The following EPB41L2 variants were observed in gnomAD, a reference collection of about 807,000 sequenced individuals.
EPB41L2 encodes the protein band 4.1-like protein 2.
EPB41L2 carries 43 observed loss-of-function variants against 113.0 expected under a neutral mutation model. That is an observed-to-expected ratio of 0.38 (90% confidence interval 0.30 to 0.49). The LOEUF (loss-of-function observed/expected upper bound fraction) is 0.49, where lower values mean the gene tolerates loss of function less well. Ranked by LOEUF, EPB41L2 falls within the 20% of genes least tolerant of loss-of-function variation. The pLI, the probability that EPB41L2 is intolerant of heterozygous loss-of-function variation, is 0.95. For synonymous variants in EPB41L2, 442 were observed against 436.7 expected, an observed-to-expected ratio of 1.01 and a Z score of -0.15; for missense variants, 1,147 against 1,223.4, an observed-to-expected ratio of 0.94 and a Z score of 0.93.
intron 4 of EPB41L2, among the ~76,000 whole-genome samples, chr6:130,911,184 AC>A (rs1336543203): frequency 6.6e-6 from 1 of 152,268 alleles, no homozygotes; most frequent in African/African-American, 2.4e-5. Flanking sequence ...ACCACGAAAT[AC>A]TATGCAGCCA....
chr6:131,050,832 G>C (rs1051899452), intron 1 of EPB41L2, among the ~76,000 whole-genome samples: 1 of 152,174 alleles, frequency 6.6e-6, no homozygotes, highest in Non-Finnish European at 1.5e-5. Context: ...GAGCTTAAAT[G>C]ATCTGTCCGC....
chr6:130,889,774 G>A (rs1489705541), intron 11 of EPB41L2, among the ~76,000 whole-genome samples: 1 of 152,172 alleles, frequency 6.6e-6, no homozygotes, highest in Non-Finnish European at 1.5e-5. Context: ...AAACATATGT[G>A]TCCAACATCT....
intron 13 of EPB41L2, among the ~76,000 whole-genome samples, chr6:130,879,242 T>C (rs1249633890): frequency 1.3e-5 from 2 of 152,240 alleles, no homozygotes; most frequent in Admixed American, 6.5e-5. Context: ...TGAGCTTCTA[T>C]AGCCATTTGC....
At chr6:130,895,354 T>C (rs1794318907) in intron 8 of EPB41L2, among the ~76,000 whole-genome samples, 1 of 152,172 alleles carries the variant, frequency 6.6e-6, no homozygotes, top group South Asian at 2.1e-4. Context: ...AACATGACCA[T>C]AAGACACAGT....
chr6:130,922,023 C>T (rs925808498), intron 4 of EPB41L2, among the ~76,000 whole-genome samples: 2 of 152,208 alleles, frequency 1.3e-5, no homozygotes, highest in African/African-American at 4.8e-5. Flanking sequence ...AGGAAGGAAT[C>T]ATGGCATACC....
At chr6:131,024,792 C>G (rs773540751) in intron 1 of EPB41L2, among the ~76,000 whole-genome samples, 8 of 152,166 alleles carry the variant, frequency 5.3e-5, no homozygotes, top group Non-Finnish European at 1.0e-4. Flanking sequence ...GGAACTGATA[C>G]CTGAGAATAA....
At chr6:130,926,329 T>A (rs1301604190) in intron 4 of EPB41L2, among the ~76,000 whole-genome samples, 1 of 152,212 alleles carries the variant, frequency 6.6e-6, no homozygotes, top group Non-Finnish European at 1.5e-5. Context: ...TGCCAGAACA[T>A]CACTTTTCCA....
chr6:130,850,466 TA>T (rs1415652668), intron 19 of EPB41L2, among the ~76,000 whole-genome samples: 1 of 152,078 alleles, frequency 6.6e-6, no homozygotes, highest in African/African-American at 2.4e-5. Context: ...AATGATGAGG[TA>T]ACGACAAGGA....
chr6:131,000,857 A>G (rs1784205228), intron 1 of EPB41L2: 2 of 152,240 alleles, frequency 1.3e-5, no homozygotes, highest in Admixed American at 1.3e-4. Context: ...CCAAAGGTAA[A>G]CATAAATATC....
chr6:130,917,551 G>A (rs1489537390), intron 4 of EPB41L2, among the ~76,000 whole-genome samples: 1 of 151,966 alleles, frequency 6.6e-6, no homozygotes, highest in Admixed American at 6.5e-5. Flanking sequence ...CACCCCTGAT[G>A]TTTCCTCTTA....
At chr6:131,007,060 T>C (rs1785741533) in intron 1 of EPB41L2, among the ~76,000 whole-genome samples, 1 of 152,216 alleles carries the variant, frequency 6.6e-6, no homozygotes, top group African/African-American at 2.4e-5. Flanking sequence ...AGCAGCCAAA[T>C]GAAAATAGCC....
chr6:130,911,728 T>A (rs943265353), intron 4 of EPB41L2, among the ~76,000 whole-genome samples: 2 of 152,168 alleles, frequency 1.3e-5, no homozygotes, highest in Non-Finnish European at 2.9e-5. Context: ...AAAAGTCCAA[T>A]AAAAAATTTA....
chr6:130,988,845 T>C (rs1781162427), intron 1 of EPB41L2, among the ~76,000 whole-genome samples: 1 of 152,126 alleles, frequency 6.6e-6, no homozygotes, highest in Admixed American at 6.5e-5. Context: ...TCCCAGCACT[T>C]TGGGAGGCCG....
chr6:130,870,821 T>TA (rs554695255), intron 14 of EPB41L2, among the ~76,000 whole-genome samples: 10,598 of 140,826 alleles, frequency 0.075, 686 homozygotes, highest in East Asian at 0.26. Context: ...TGGTTTTCTT[T>TA]AAAAAAAAAA....
intron 7 of EPB41L2, 23 bp from the exon 8 acceptor site, chr6:130,899,601 T>G: frequency 6.3e-7 from 1 of 1,596,450 alleles, no homozygotes; most frequent in Non-Finnish European, 8.6e-7. Flanking sequence ...AGAAACAGTA[T>G]TATCTTATTA....
At chr6:131,018,189 C>T (rs1235230779) in intron 1 of EPB41L2, among the ~76,000 whole-genome samples, 2 of 152,172 alleles carry the variant, frequency 1.3e-5, no homozygotes, top group Admixed American at 6.5e-5. Context: ...TTTTGCCCTC[C>T]TGCTCTGCCG....
chr6:131,002,408 C>T (rs1784545737), intron 1 of EPB41L2, among the ~76,000 whole-genome samples: 2 of 152,130 alleles, frequency 1.3e-5, no homozygotes, highest in Admixed American at 6.5e-5. Flanking sequence ...GAGCTGATAA[C>T]CTAGACCGCT....
chr6:130,906,100 G>A (rs147126856), intron 5 of EPB41L2, among the ~76,000 whole-genome samples: 2 of 152,170 alleles, frequency 1.3e-5, no homozygotes, highest in African/African-American at 4.8e-5. Flanking sequence ...TCCATGCATC[G>A]TGTTTGTGTA....
At chr6:130,923,990 C>A (rs1803757797) in intron 4 of EPB41L2, among the ~76,000 whole-genome samples, 1 of 152,180 alleles carries the variant, frequency 6.6e-6, no homozygotes, top group African/African-American at 2.4e-5. Context: ...CTCCCCCTCC[C>A]CCAGCCCCTA....
Sources: allele counts gnomAD v4.1 joint callset (sites outside exome capture counted in the v4.1 genomes callset), GRCh38; gene constraint gnomAD v4.1.1; transcripts MANE v1.5; gene names NCBI Gene and HGNC (gene_info 2026-07-23, HGNC 2026-07-21).